SDHAF3: variants seen among roughly 807,000 people sequenced by gnomAD.
SDHAF3 encodes succinate dehydrogenase assembly factor 3, mitochondrial.
SDHAF3 carries 18 observed loss-of-function variants against 11.5 expected under a neutral mutation model. The observed-to-expected ratio is 1.56, with a 90% CI of 1.08 to 2.32. The LOEUF (loss-of-function observed/expected upper bound fraction) is 2.32. Among genes scored for constraint, SDHAF3 ranks in the 30% most tolerant of loss-of-function variants. SDHAF3 has a pLI of 0.00. For missense variants in SDHAF3, 200 were observed against 154.4 expected (o/e 1.30, Z -1.57); for synonymous variants, 72 against 59.3 (o/e 1.21, Z -0.99).
chr7:97,152,392 G>A (rs1789238304), intron 1 of SDHAF3, among the ~76,000 whole-genome samples: 1 of 152,186 alleles, frequency 6.6e-6, no homozygotes, highest in Non-Finnish European at 1.5e-5. Context: ...GGTTAAGTTA[G>A]GGATGAAATA....
chr7:97,162,625 T>A (rs1789431057), intron 1 of SDHAF3, among the ~76,000 whole-genome samples: 1 of 152,242 alleles, frequency 6.6e-6, no homozygotes, highest in Admixed American at 6.5e-5. Flanking sequence ...ACATATTTAT[T>A]TCTGGCTTCA....
intron 1 of SDHAF3, among the ~76,000 whole-genome samples, chr7:97,143,215 G>T (rs10239938): frequency 6.6e-6 from 1 of 152,018 alleles, no homozygotes; most frequent in East Asian, 1.9e-4. Context: ...ATTCTTCTAA[G>T]AATATTTACT....
intron 1 of SDHAF3, among the ~76,000 whole-genome samples, chr7:97,128,089 G>C (rs1188840598): frequency 6.6e-6 from 1 of 151,590 alleles, no homozygotes; most frequent in South Asian, 2.1e-4. Context: ...GTAGAGATGG[G>C]GTTTCACCAT....
intron 1 of SDHAF3, among the ~76,000 whole-genome samples, chr7:97,160,725 G>A (rs980367492): frequency 5.3e-5 from 8 of 152,222 alleles, no homozygotes; most frequent in African/African-American, 1.9e-4. Context: ...TTGAGATTAG[G>A]TTTTGAATTT....
At chr7:97,126,561 T>G (rs1216336396) in intron 1 of SDHAF3, among the ~76,000 whole-genome samples, 1 of 152,152 alleles carries the variant, frequency 6.6e-6, no homozygotes, top group Non-Finnish European at 1.5e-5. Flanking sequence ...GCTGCTTTGC[T>G]GCGTTACGTT....
intron 1 of SDHAF3, among the ~76,000 whole-genome samples, chr7:97,126,362 C>T (rs1341499903): frequency 6.6e-6 from 1 of 152,256 alleles, no homozygotes; most frequent in Non-Finnish European, 1.5e-5. Context: ...GCATCCGCTG[C>T]TCTCTTCAGA....
intron 1 of SDHAF3, among the ~76,000 whole-genome samples, chr7:97,118,739 C>T (rs143809980): frequency 6.6e-5 from 10 of 152,084 alleles, no homozygotes; most frequent in Admixed American, 3.9e-4. Context: ...GTAAGCGGTT[C>T]TTCGGCCTAA....
At chr7:97,135,583 GTGTGTGTGTGTGTGTGTGTC>G (rs1291701287) in intron 1 of SDHAF3, 1 of 88,788 alleles carries the variant, frequency 1.1e-5, no homozygotes, top group Non-Finnish European at 2.7e-5. Context: ...GTCCCCATAT[GTGTGTGTGTGTGTGTGTGTC>G]TGTGTGTGTG....
intron 1 of SDHAF3, among the ~76,000 whole-genome samples, chr7:97,143,773 G>A (rs1789093028): frequency 6.6e-6 from 1 of 151,990 alleles, no homozygotes; most frequent in Non-Finnish European, 1.5e-5. Context: ...ATTGTGAATT[G>A]TGCTGCTATA....
At chr7:97,168,005 G>T (rs577594712) in intron 1 of SDHAF3, among the ~76,000 whole-genome samples, 41 of 152,312 alleles carry the variant, frequency 2.7e-4, no homozygotes, top group African/African-American at 9.6e-4. Flanking sequence ...GCACTGGGGG[G>T]AATGGGGTAG....
At chr7:97,157,808 T>G (rs1789327448) in intron 1 of SDHAF3, among the ~76,000 whole-genome samples, 1 of 152,036 alleles carries the variant, frequency 6.6e-6, no homozygotes, top group Non-Finnish European at 1.5e-5. Flanking sequence ...TTTCATGTCC[T>G]TTGTAGGGAC....
intron 1 of SDHAF3, among the ~76,000 whole-genome samples, chr7:97,147,201 T>C (rs1789149410): frequency 6.6e-6 from 1 of 152,212 alleles, no homozygotes; most frequent in South Asian, 2.1e-4. Context: ...TTCTTCTATT[T>C]GGGTATGAAT....
At chr7:97,141,687 G>A (rs1355072099) in intron 1 of SDHAF3, among the ~76,000 whole-genome samples, 1 of 152,068 alleles carries the variant, frequency 6.6e-6, no homozygotes, top group Non-Finnish European at 1.5e-5. Context: ...GTAGAGATGG[G>A]GTTTCACTGT....
chr7:97,143,787 A>G (rs1273155054), intron 1 of SDHAF3, among the ~76,000 whole-genome samples: 2 of 152,104 alleles, frequency 1.3e-5, no homozygotes, highest in East Asian at 3.9e-4. Flanking sequence ...TGCTATAAAC[A>G]TGCATGTGCA....
At chr7:97,168,810 TATAA>T (rs1358636885) in intron 1 of SDHAF3, among the ~76,000 whole-genome samples, 2 of 152,340 alleles carry the variant, frequency 1.3e-5, no homozygotes, top group South Asian at 2.1e-4. Flanking sequence ...TCTTTTAGCC[TATAA>T]ATAAATATCC....
intron 1 of SDHAF3, among the ~76,000 whole-genome samples, chr7:97,131,034 T>TTG (rs1203097847): frequency 6.6e-6 from 1 of 152,226 alleles, no homozygotes; most frequent in Non-Finnish European, 1.5e-5. Flanking sequence ...GGACCTGCCC[T>TTG]TGTCTGCCTA....
At chr7:97,125,931 T>C (rs924832833) in intron 1 of SDHAF3, among the ~76,000 whole-genome samples, 3 of 152,262 alleles carry the variant, frequency 2.0e-5, no homozygotes, top group African/African-American at 7.2e-5. Context: ...TTTTGGAATT[T>C]GCAGCATTTT....
chr7:97,159,290 T>G (rs1167812050), intron 1 of SDHAF3, among the ~76,000 whole-genome samples: 1 of 152,234 alleles, frequency 6.6e-6, no homozygotes, highest in African/African-American at 2.4e-5. Context: ...CTAAACTTCC[T>G]TAACATTTTA....
intron 1 of SDHAF3, among the ~76,000 whole-genome samples, chr7:97,138,943 T>C (rs1233873889): frequency 2.0e-5 from 3 of 151,950 alleles, no homozygotes; most frequent in Admixed American, 2.0e-4. Flanking sequence ...GCCCAGATCC[T>C]GTGCTTGTCA....
Sources: gnomAD v4.1 joint callset for allele counts (sites outside exome capture counted in the v4.1 genomes callset) on GRCh38, gnomAD v4.1.1 for gene constraint, MANE v1.5 for transcripts, NCBI Gene and HGNC (gene_info 2026-07-23, HGNC 2026-07-21) for gene names.